Variants in PSMD14 observed in about 807,000 individuals in gnomAD.
PSMD14 encodes proteasome 26S subunit, non-ATPase 14, also known as ubiquitin C-terminal hydrolase PSMD14.
Under a neutral mutation model 41.2 loss-of-function variants are expected in PSMD14, and 7 were observed. The ratio of observed to expected loss-of-function variants is 0.17; its 90% CI spans 0.10 to 0.32. The LOEUF is 0.32. Among genes scored for constraint, PSMD14 ranks in the 10% least tolerant of loss-of-function variants. The probability of loss-of-function intolerance (pLI) is 1.00; values close to 1 mark genes in which losing one functional copy is unlikely to be tolerated. For synonymous variants in PSMD14, 114 were observed against 122.3 expected (o/e 0.93, Z 0.45); for missense variants, 139 against 375.6 (o/e 0.37, Z 5.21).
At chr2:161,360,356 C>T (rs1683272385) in intron 3 of PSMD14, among the ~76,000 whole-genome samples, 1 of 144,600 alleles carries the variant, frequency 6.9e-6, no homozygotes, top group East Asian at 2.1e-4. Flanking sequence ...CTGGCTGAGC[C>T]TTTCATATTG....
At chr2:161,366,648 AAT>A (rs1263865713) in intron 3 of PSMD14, among the ~76,000 whole-genome samples, 1 of 152,138 alleles carries the variant, frequency 6.6e-6, no homozygotes, top group African/African-American at 2.4e-5. Flanking sequence ...CAGATTGTCC[AAT>A]ATTAAAAAAC....
At chr2:161,342,766 A>AT (rs939295939) in intron 3 of PSMD14, among the ~76,000 whole-genome samples, 1 of 150,734 alleles carries the variant, frequency 6.6e-6, no homozygotes, top group Admixed American at 6.6e-5. Flanking sequence ...TTCTTTTGTC[A>AT]TTTTTTTCCT....
At position 161,371,024 on chromosome 2, in the gene PSMD14, C is replaced by T. The variant is rs1683424489; in HGVS notation, c.312-148C>T. ...CATGTTTTCTGGATAATATGGTGTA[C>T]AATTTCAGGGTTTCTAATGGTGCTT... On this transcript the variant is annotated intron_variant, in intron 6 of 11. Transcript: ENST00000409682. The T allele has an allele frequency of 3.1e-5, 26 of 825,906 alleles. No homozygotes were observed. The South Asian group carries it at 5.5e-4, about 17-fold the overall frequency. The allele number at this position is 825,906 out of a possible 1,614,324, so 51.2% of individuals were successfully genotyped here. A position where few individuals can be genotyped will look rare whatever the true frequency, so the allele number is the denominator to read the frequency against.
intron 7 of PSMD14, among the ~76,000 whole-genome samples, chr2:161,378,761 A>G (rs148414767): frequency 1.3e-5 from 2 of 152,120 alleles, no homozygotes; most frequent in Non-Finnish European, 2.9e-5. Flanking sequence ...CATTTCATTT[A>G]ATTGATTTAA....
At chr2:161,340,801 A>G in intron 3 of PSMD14, 1 of 1,613,700 alleles carries the variant, frequency 6.2e-7, no homozygotes, top group Non-Finnish European at 8.5e-7. Flanking sequence ...GGAGGACGCT[A>G]AGGATAACTT....
chr2:161,383,930 A>G (rs948817332), intron 7 of PSMD14: 1 of 151,702 alleles, frequency 6.6e-6, no homozygotes, highest in African/African-American at 2.4e-5. Flanking sequence ...TTATGATAAC[A>G]TCTGACTAAA....
chr2:161,362,960 T>G (rs1683309805), intron 3 of PSMD14, among the ~76,000 whole-genome samples: 1 of 152,206 alleles, frequency 6.6e-6, no homozygotes, highest in Admixed American at 6.5e-5. Flanking sequence ...CAACTCTATT[T>G]TTTAGCTTTG....
At chr2:161,359,362 A>G (rs1683257660) in intron 3 of PSMD14, among the ~76,000 whole-genome samples, 2 of 152,176 alleles carry the variant, frequency 1.3e-5, no homozygotes, top group African/African-American at 4.8e-5. Flanking sequence ...TGAACTGGTA[A>G]TATATTTGAG....
chr2:161,365,342 C>G (rs1459837691), intron 3 of PSMD14, among the ~76,000 whole-genome samples: 2 of 151,754 alleles, frequency 1.3e-5, no homozygotes, highest in Non-Finnish European at 2.9e-5. Context: ...TTAATTTATT[C>G]ATTCATTCTT....
intron 7 of PSMD14, among the ~76,000 whole-genome samples, chr2:161,374,933 AT>A (rs1283150432): frequency 6.6e-5 from 10 of 152,086 alleles, no homozygotes; most frequent in African/African-American, 2.2e-4. Context: ...ATGCTCAGTT[AT>A]TACCAGCTAA....
intron 7 of PSMD14, among the ~76,000 whole-genome samples, chr2:161,380,923 A>C (rs1683563209): frequency 6.6e-6 from 1 of 152,030 alleles, no homozygotes; most frequent in Admixed American, 6.6e-5. Flanking sequence ...TTTTTAAAGA[A>C]TCTAGAAACA....
intron 3 of PSMD14, 96 bp from the exon 4 acceptor site, chr2:161,367,382 A>G (rs1480490127): frequency 1.3e-5 from 13 of 1,028,324 alleles, no homozygotes; most frequent in East Asian, 2.6e-5. Flanking sequence ...TTGCAAAACT[A>G]TTTTAAAAAT....
At chr2:161,358,592 T>A (rs1169240273) in intron 3 of PSMD14, among the ~76,000 whole-genome samples, 4 of 152,216 alleles carry the variant, frequency 2.6e-5, no homozygotes, top group African/African-American at 9.6e-5. Context: ...ACTCCTACTC[T>A]ACATTTCCCC....
At chr2:161,394,137 A>G (rs527389655) in intron 9 of PSMD14, among the ~76,000 whole-genome samples, 2 of 151,620 alleles carry the variant, frequency 1.3e-5, no homozygotes, top group African/African-American at 2.4e-5. Flanking sequence ...ACACCCAGCT[A>G]ATTTTTGTGT....
chr2:161,391,373 G>C (rs563476853), intron 9 of PSMD14, among the ~76,000 whole-genome samples, 195 bp downstream of exon 9: 2 of 152,212 alleles, frequency 1.3e-5, no homozygotes, highest in East Asian at 1.9e-4. Context: ...TCACCTTATT[G>C]GTAGGTGCTG....
intron 5 of PSMD14, among the ~76,000 whole-genome samples, chr2:161,369,144 T>C (rs987931539): frequency 5.3e-5 from 8 of 152,020 alleles, no homozygotes; most frequent in Non-Finnish European, 1.0e-4. Flanking sequence ...TGGGTACTTA[T>C]GTAGATACCC....
Position 161,391,267 on chromosome 2 carries a change from T to C in PSMD14, c.645+89T>C, listed in dbSNP as rs142296529. On this transcript the variant is annotated intron_variant, in intron 9 of 11. Transcript: ENST00000409682. ...CTGGTATGTGATTTAAATTCGAATT[T>C]TTGACCTCTTTCAGTGTTTCCAAAT... The C allele has an allele frequency of 6.8e-3, 8,651 of 1,281,128 alleles. 98 individuals carry two copies. Among genetic ancestry groups the C allele is most frequent in the South Asian group, 0.04 (2,062 of 51,372 alleles). 79.4% of individuals were successfully genotyped at this position (1,281,128 alleles called of 1,614,324 possible). A position where few individuals can be genotyped will look rare whatever the true frequency, so the allele number is the denominator to read the frequency against.
At chr2:161,373,098 A>T (rs1683461534) in intron 7 of PSMD14, among the ~76,000 whole-genome samples, 1 of 151,778 alleles carries the variant, frequency 6.6e-6, no homozygotes, top group African/African-American at 2.4e-5. Context: ...TTAGTTTCCA[A>T]ACCTAGTTTA....
intron 3 of PSMD14, among the ~76,000 whole-genome samples, chr2:161,321,679 T>C (rs2105232000): frequency 6.6e-6 from 1 of 152,350 alleles, no homozygotes; most frequent in Middle Eastern, 3.4e-3. Flanking sequence ...TCAGGTTTGA[T>C]AATTCACTAG....
Sources: allele counts gnomAD v4.1 joint callset (sites outside exome capture counted in the v4.1 genomes callset), GRCh38; gene constraint gnomAD v4.1.1; transcripts MANE v1.5; gene names NCBI Gene and HGNC (gene_info 2026-07-23, HGNC 2026-07-21).